Variants in SLC8A3 observed in about 807,000 individuals in gnomAD.
SLC8A3 encodes solute carrier family 8 member A3, also known as sodium/calcium exchanger 3.
A neutral mutation model predicts 65.4 loss-of-function variants in SLC8A3; 37 were observed. That is an observed-to-expected ratio of 0.57 (90% confidence interval 0.44 to 0.74). The LOEUF (loss-of-function observed/expected upper bound fraction) is 0.74. Ranked by LOEUF, SLC8A3 falls within the 30% of genes least tolerant of loss-of-function variation. The probability of loss-of-function intolerance (pLI) is 0.00; values close to 1 mark genes in which losing one functional copy is unlikely to be tolerated. For missense variants in SLC8A3, 1,112 were observed against 1,172.1 expected, an observed-to-expected ratio of 0.95 and a Z score of 0.75; for synonymous variants, 461 against 444.5, an observed-to-expected ratio of 1.04 and a Z score of -0.47.
At chr14:70,054,142 T>C (rs1355930854) in intron 3 of SLC8A3, among the ~76,000 whole-genome samples, 1 of 151,948 alleles carries the variant, frequency 6.6e-6, no homozygotes. Flanking sequence ...GGATGGAAGA[T>C]TGAACAAATA....
chr14:70,123,535 C>T (rs1894226065), intron 2 of SLC8A3, among the ~76,000 whole-genome samples: 1 of 151,584 alleles, frequency 6.6e-6, no homozygotes, highest in East Asian at 2.0e-4. Flanking sequence ...CTGCAACCTC[C>T]ACCTCCTGGG....
At chr14:70,172,406 C>T (rs1897602339) in intron 1 of SLC8A3, among the ~76,000 whole-genome samples, 1 of 152,142 alleles carries the variant, frequency 6.6e-6, no homozygotes, top group African/African-American at 2.4e-5. Flanking sequence ...TTTAACCACC[C>T]TATTTTACTA....
At chr14:70,048,075 A>C (rs1238769470) in intron 6 of SLC8A3, 1 of 154,886 alleles carries the variant, frequency 6.5e-6, no homozygotes, top group Non-Finnish European at 1.4e-5. Flanking sequence ...GGTGCTCAGT[A>C]AATATTTGTT....
intron 3 of SLC8A3, among the ~76,000 whole-genome samples, chr14:70,057,376 G>A (rs569083282): frequency 3.3e-5 from 5 of 152,148 alleles, no homozygotes; most frequent in East Asian, 1.9e-4. Context: ...GGGAGTTTGC[G>A]TGGAAGAGCT....
At chr14:70,125,733 A>G (rs1242440471) in intron 2 of SLC8A3, among the ~76,000 whole-genome samples, 2 of 152,094 alleles carry the variant, frequency 1.3e-5, no homozygotes, top group Non-Finnish European at 2.9e-5. Flanking sequence ...TTCTATTTTC[A>G]GTTCTTTGAG....
chr14:70,141,470 C>T (rs1895570282), intron 2 of SLC8A3, among the ~76,000 whole-genome samples: 3 of 152,226 alleles, frequency 2.0e-5, no homozygotes, highest in Admixed American at 6.5e-5. Context: ...TAATAAATGA[C>T]TTACATTTAT....
chr14:70,051,366 C>T (rs559652443), intron 4 of SLC8A3, among the ~76,000 whole-genome samples: 2 of 152,326 alleles, frequency 1.3e-5, no homozygotes, highest in East Asian at 3.9e-4. Context: ...AATCATGGCT[C>T]ATTGCAACCT....
intron 2 of SLC8A3, among the ~76,000 whole-genome samples, chr14:70,071,612 T>C (rs1414512513): frequency 2.0e-5 from 3 of 152,152 alleles, no homozygotes; most frequent in African/African-American, 7.2e-5. Flanking sequence ...AGCGTATATG[T>C]CCTCAGAGCC....
intron 2 of SLC8A3, among the ~76,000 whole-genome samples, chr14:70,138,086 C>A (rs754079128): frequency 6.6e-6 from 1 of 152,128 alleles, no homozygotes; most frequent in Admixed American, 6.5e-5. Flanking sequence ...GTAGCAGAGA[C>A]GGGAGTGTCC....
At chr14:70,185,646 T>C (rs7143019) in intron 1 of SLC8A3, among the ~76,000 whole-genome samples, 18,797 of 152,236 alleles carry the variant, frequency 0.12, 1,320 homozygotes, top group Middle Eastern at 0.23. Context: ...AGAATGTAAT[T>C]GTTCCTCCAA....
At chr14:70,126,883 A>G (rs1894493792) in intron 2 of SLC8A3, among the ~76,000 whole-genome samples, 1 of 151,100 alleles carries the variant, frequency 6.6e-6, no homozygotes. Flanking sequence ...TGAACTGGTA[A>G]GTATATAATG....
intron 2 of SLC8A3, among the ~76,000 whole-genome samples, chr14:70,110,562 T>G (rs574126040): frequency 1.3e-5 from 2 of 152,196 alleles, no homozygotes; most frequent in African/African-American, 4.8e-5. Flanking sequence ...ATTGTATATA[T>G]GTACCACATT....
chr14:70,069,050 A>G (rs1889750343), intron 2 of SLC8A3, among the ~76,000 whole-genome samples: 1 of 152,224 alleles, frequency 6.6e-6, no homozygotes, highest in African/African-American at 2.4e-5. Context: ...AAGATGAGAA[A>G]ACAGATGCTC....
chr14:70,110,962 G>T (rs1555375860), intron 2 of SLC8A3, among the ~76,000 whole-genome samples: 1 of 151,920 alleles, frequency 6.6e-6, no homozygotes, highest in South Asian at 2.1e-4. Context: ...TTACAGGCGT[G>T]AGCCACCGCG....
rs546353301 is a variant in SLC8A3 at position 70,139,249 on chromosome 14, T to G, written c.1784+27390A>C. 2.8e-4 allele frequency among the ~76,000 whole-genome samples: 43 copies of G among 152,098 alleles called. 1 individual carries two copies. Among genetic ancestry groups the G allele is most frequent in the Non-Finnish European group, 5.3e-4 (36 of 67,976 alleles). On this transcript the variant is annotated intron_variant, in intron 2 of 6. Coordinates refer to ENST00000356921, the MANE Select transcript of SLC8A3 (RefSeq NM_182932.3). ...TTTTTGGCTTCTCTCCCTCCTTTCA[T>G]GAGGGAAAGGAGAGAAGTGCCCCCT...
intron 2 of SLC8A3, among the ~76,000 whole-genome samples, chr14:70,068,819 C>T (rs546027810): frequency 1.8e-4 from 27 of 152,262 alleles, no homozygotes; most frequent in African/African-American, 5.3e-4. Flanking sequence ...CTCAACCTCC[C>T]GGGCTCATAT....
chr14:70,187,127 A>C (rs569270196), intron 1 of SLC8A3: 1 of 152,398 alleles, frequency 6.6e-6, no homozygotes, highest in South Asian at 2.1e-4. Context: ...GTGTTTCTTG[A>C]CCACCCAGGA....
intron 2 of SLC8A3, among the ~76,000 whole-genome samples, chr14:70,141,535 T>C (rs1022009496): frequency 6.6e-6 from 1 of 152,212 alleles, no homozygotes; most frequent in African/African-American, 2.4e-5. Context: ...CTGTGCATGA[T>C]AGCAGAAGCG....
At chr14:70,171,524 G>A (rs184621724) in intron 1 of SLC8A3, among the ~76,000 whole-genome samples, 16 of 152,314 alleles carry the variant, frequency 1.1e-4, no homozygotes, top group Admixed American at 9.8e-4. Context: ...GGCAAGGCCT[G>A]GCTCAGTGTC....
Sources: gnomAD v4.1 joint callset for allele counts (sites outside exome capture counted in the v4.1 genomes callset) on GRCh38, gnomAD v4.1.1 for gene constraint, MANE v1.5 for transcripts, NCBI Gene and HGNC (gene_info 2026-07-23, HGNC 2026-07-21) for gene names.